The following ST8SIA5 variants were observed in gnomAD, a reference collection of about 807,000 sequenced individuals.
The protein encoded by ST8SIA5 is ST8 alpha-N-acetyl-neuraminide alpha-2,8-sialyltransferase 5.
A neutral mutation model predicts 40.2 loss-of-function variants in ST8SIA5; 24 were observed. The ratio of observed to expected loss-of-function variants is 0.60; its 90% confidence interval spans 0.43 to 0.84. ST8SIA5 has a LOEUF of 0.84. Among genes scored for constraint, ST8SIA5 ranks in the 40% least tolerant of loss-of-function variants. The pLI, the probability that ST8SIA5 is intolerant of heterozygous loss-of-function variation, is 0.00. For synonymous variants in ST8SIA5, 198 were observed against 201.8 expected (o/e 0.98, Z 0.16); for missense variants, 465 against 498.5 (o/e 0.93, Z 0.64).
chr18:46,685,564 C>T (rs917941287), intron 5 of ST8SIA5, among the ~76,000 whole-genome samples: 4 of 152,194 alleles, frequency 2.6e-5, no homozygotes, highest in African/African-American at 9.7e-5. Flanking sequence ...CTGCTCTACC[C>T]TCCCTAACCT....
At chr18:46,751,960 C>A (rs911643866) in intron 1 of ST8SIA5, among the ~76,000 whole-genome samples, 2 of 152,124 alleles carry the variant, frequency 1.3e-5, no homozygotes, top group African/African-American at 4.8e-5. Flanking sequence ...GATCCAGACC[C>A]ACAGCTGTCA....
In ST8SIA5 at chr18:46,692,200, C is replaced by T. The variant is rs747621498; in HGVS notation, c.280G>A (p.Ala94Thr). Residue 94 changes from alanine (A) to threonine (T), a missense_variant, in exon 3 of 7, where the codon GCG becomes ACG. Ala to Thr is a moderately conservative substitution (Grantham distance 58). Transcript: ENST00000315087. ...TGGTTGGCCTCAGAGATGTTCATCGCCCATTTGCACATCTGGAGGCTCTTC... is the reference window on the plus strand; with the variant it reads ...TGGTTGGCCTCAGAGATGTTCATCGTCCATTTGCACATCTGGAGGCTCTTC... ...RWKSLQMCKW[A>T]MNISEANQFK... 1.2e-5 allele frequency: 19 copies of T among 1,614,096 alleles called. No homozygotes were observed. The highest frequency in any genetic ancestry group is 1.6e-5 in the Non-Finnish European group (19 of 1,180,018).
chr18:46,700,266 A>T (rs2039598643), intron 2 of ST8SIA5, among the ~76,000 whole-genome samples: 1 of 152,192 alleles, frequency 6.6e-6, no homozygotes, highest in African/African-American at 2.4e-5. Context: ...TGTGGATCAG[A>T]ATTGTTCCCA....
In ST8SIA5 at chr18:46,695,956, T is replaced by C. The variant is rs572965048; in HGVS notation, c.225-3701A>G. ...TGGGGAGGAAAATGGAAAACAAATATATAATGCCTTGCCAGGAAGTGGCAA... is the reference window on the plus strand; with the variant it reads ...TGGGGAGGAAAATGGAAAACAAATACATAATGCCTTGCCAGGAAGTGGCAA... On this transcript the variant is annotated intron_variant, in intron 2 of 6. Coordinates refer to ENST00000315087, the MANE Select transcript of ST8SIA5 (RefSeq NM_013305.6). Among the ~76,000 whole-genome samples the C allele has an allele frequency of 2.6e-5, 4 of 152,230 alleles. No homozygotes were observed. In the East Asian group the frequency reaches 7.7e-4, roughly 29 times the overall value.
intron 1 of ST8SIA5, among the ~76,000 whole-genome samples, chr18:46,710,367 CTTTCTTTCTT>C (rs1555695687): frequency 4.3e-5 from 1 of 23,438 alleles, no homozygotes; most frequent in African/African-American, 1.2e-4. Context: ...TCTTTCTTTT[CTTTCTTTCTT>C]TCTTTCTTTC....
At chr18:46,716,127 GA>G in intron 1 of ST8SIA5, among the ~76,000 whole-genome samples, 1 of 150,302 alleles carries the variant, frequency 6.7e-6, no homozygotes, top group East Asian at 2.0e-4. Flanking sequence ...TAGATAGATA[GA>G]TAGATAGATA....
At chr18:46,721,296 C>T in intron 1 of ST8SIA5, 1 of 1,409,806 alleles carries the variant, frequency 7.1e-7, no homozygotes. Flanking sequence ...GACAATGTGG[C>T]AGGGGCTGCA....
At chr18:46,694,437 G>A (rs1599107973) in intron 2 of ST8SIA5, among the ~76,000 whole-genome samples, 1 of 152,146 alleles carries the variant, frequency 6.6e-6, no homozygotes, top group East Asian at 1.9e-4. Flanking sequence ...ACTGCGAAAT[G>A]CAGACAGATC....
Position 46,756,788 on chromosome 18 carries a change from G to T in ST8SIA5, c.-280C>A, listed in dbSNP as rs375448957. On this transcript the variant is annotated 5_prime_UTR_variant, in exon 1 of 7. Coordinates refer to ENST00000315087, the MANE Select transcript of ST8SIA5 (RefSeq NM_013305.6). Reference sequence around the variant, plus strand: ...CCGGGTACCTTTACCTCCAGGCGCCGGTGCCGGGTAGCCGCCGATTTCCCC... The same window carrying T: ...CCGGGTACCTTTACCTCCAGGCGCCTGTGCCGGGTAGCCGCCGATTTCCCC... The T allele has an allele frequency of 3.0e-5, 11 of 368,040 alleles. No homozygotes were observed. The highest frequency in any genetic ancestry group is 1.9e-4 in the African/African-American group (9 of 46,650). The allele number at this position is 368,040 out of a possible 1,614,324, so 22.8% of individuals were successfully genotyped here. A position where few individuals can be genotyped will look rare whatever the true frequency, so the allele number is the denominator to read the frequency against.
At chr18:46,686,328 C>T in intron 4 of ST8SIA5, 42 bp from the exon 5 acceptor site, 30 of 1,509,594 alleles carry the variant, frequency 2.0e-5, no homozygotes, top group Non-Finnish European at 2.8e-5. Context: ...CAAGCCACCC[C>T]CTGCCTCGAC....
chr18:46,679,762 A>T lies in ST8SIA5; in HGVS notation c.*280T>A. 1 of 478,464 alleles carries T rather than the reference A, an allele frequency of 2.1e-6. No individual in the cohort carries two copies. The highest frequency in any genetic ancestry group is 3.8e-6 in the Non-Finnish European group (1 of 266,502). 29.6% of individuals were successfully genotyped at this position (478,464 alleles called of 1,614,324 possible). A position where few individuals can be genotyped will look rare whatever the true frequency, so the allele number is the denominator to read the frequency against. On this transcript the variant is annotated 3_prime_UTR_variant, in exon 7 of 7. Transcript: ENST00000315087. ...TCACTTGCCGTCCCCAGGGCCCCTG[A>T]TCTTGGGGTGTGGCCCAGCAGCATG...
intron 1 of ST8SIA5, among the ~76,000 whole-genome samples, chr18:46,719,682 T>TTTTCTTTCTTTCTTTCTTTCTCTCTTTC (rs2039833748): frequency 1.9e-5 from 2 of 107,064 alleles, no homozygotes; most frequent in African/African-American, 6.9e-5. Context: ...TTCTTTTCTT[T>TTTTCTTTCTTTCTTTCTTTCTCTCTTTC]TTTCTTTCTT....
intron 1 of ST8SIA5, among the ~76,000 whole-genome samples, chr18:46,752,792 C>T (rs1308388842): frequency 1.3e-5 from 2 of 152,238 alleles, no homozygotes; most frequent in African/African-American, 2.4e-5. Context: ...ATCGCACCAG[C>T]TCAGCACAGA....
chr18:46,719,364 G>C (rs1044940861), intron 1 of ST8SIA5, among the ~76,000 whole-genome samples: 1 of 152,146 alleles, frequency 6.6e-6, no homozygotes, highest in Non-Finnish European at 1.5e-5. Flanking sequence ...GAGAAAGGGA[G>C]TAGGGAAGCA....
chr18:46,680,246 C>G lies in ST8SIA5; in HGVS notation c.927G>C (p.Ala309=). The change falls in exon 7 of 7, where the codon GCG becomes GCC. Residue 309 remains alanine, a synonymous_variant. Coordinates refer to ENST00000315087, the MANE Select transcript of ST8SIA5 (RefSeq NM_013305.6). ...ISTGLILVTA[A]LELCEEVHLF... ...GGTGCACCTCCTCACAGAGCTCCAGCGCCGCAGTGACCAGAATGAGGCCGG... is the reference window on the plus strand; with the variant it reads ...GGTGCACCTCCTCACAGAGCTCCAGGGCCGCAGTGACCAGAATGAGGCCGG... 1 of 1,614,196 alleles carries G rather than the reference C, an allele frequency of 6.2e-7. No individual in the cohort carries two copies. The highest frequency in any genetic ancestry group is 8.5e-7 in the Non-Finnish European group (1 of 1,180,028).
chr18:46,672,290 A>C lies in ST8SIA5; in HGVS notation c.*7752T>G, dbSNP rs1409108801. Reference sequence around the variant, plus strand: ...CCAACCATGTGAGACAGAACCACTTAATGAGATCTTTCAAAATAGGGATAC... The same window carrying C: ...CCAACCATGTGAGACAGAACCACTTCATGAGATCTTTCAAAATAGGGATAC... On this transcript the variant is annotated 3_prime_UTR_variant, in exon 7 of 7. Transcript: ENST00000315087. 1 of 152,168 alleles carries C rather than the reference A, an allele frequency of 6.6e-6. No individual in the cohort carries two copies. The highest frequency in any genetic ancestry group is 6.5e-5 in the Admixed American group (1 of 15,282). 9.4% of individuals were successfully genotyped at this position (152,168 alleles called of 1,614,324 possible).
chr18:46,732,237 A>G (rs1035707840), intron 1 of ST8SIA5, among the ~76,000 whole-genome samples: 13 of 152,170 alleles, frequency 8.5e-5, no homozygotes, highest in African/African-American at 3.1e-4. Flanking sequence ...TGTGAGGGAG[A>G]GAGGTAGAGT....
intron 1 of ST8SIA5, among the ~76,000 whole-genome samples, chr18:46,733,346 AG>A (rs2040002886): frequency 2.0e-5 from 3 of 152,164 alleles, no homozygotes. Context: ...CAGTGTATCG[AG>A]GGTACCTTTC....
intron 1 of ST8SIA5, among the ~76,000 whole-genome samples, chr18:46,714,959 G>A (rs1209424027): frequency 6.6e-6 from 1 of 152,154 alleles, no homozygotes; most frequent in East Asian, 1.9e-4. Context: ...AGGAGGAGGA[G>A]TCTCCCAGTG....
Sources: allele counts gnomAD v4.1 joint callset (sites outside exome capture counted in the v4.1 genomes callset), GRCh38; gene constraint gnomAD v4.1.1; transcripts MANE v1.5; gene names NCBI Gene and HGNC (gene_info 2026-07-23, HGNC 2026-07-21).